NPR3: variants seen among roughly 807,000 people sequenced by gnomAD.
NPR3 encodes the protein atrial natriuretic peptide receptor 3.
A neutral mutation model predicts 54.5 loss-of-function variants in NPR3; 34 were observed. That is an observed-to-expected ratio of 0.62 (90% CI 0.47 to 0.83). The LOEUF (loss-of-function observed/expected upper bound fraction) is 0.83, where lower values mean the gene tolerates loss of function less well. NPR3 is among the 40% of genes least tolerant of loss of function. The probability of loss-of-function intolerance (pLI) is 0.00; values close to 1 mark genes in which losing one functional copy is unlikely to be tolerated. For missense variants in NPR3, 674 were observed against 720.8 expected (o/e 0.94, Z 0.74); for synonymous variants, 289 against 297.1 (o/e 0.97, Z 0.28).
chr5:32,790,392 T>C lies in NPR3; in HGVS notation c.*4047T>C, dbSNP rs1254814670. 1.8e-5 allele frequency: 3 copies of C among 167,314 alleles called. No individual in the cohort carries two copies. Among genetic ancestry groups the C allele is most frequent in the Non-Finnish European group, 4.4e-5 (3 of 68,220 alleles). 10.4% of individuals were successfully genotyped at this position (167,314 alleles called of 1,614,324 possible). Reference sequence around the variant, plus strand: ...CATTCAGCATCACTCCAAGGATGTGTCAGCATCTTGCCCATGCAGGTAGAA... The same window carrying C: ...CATTCAGCATCACTCCAAGGATGTGCCAGCATCTTGCCCATGCAGGTAGAA... On this transcript the variant is annotated 3_prime_UTR_variant, in exon 8 of 8. Coordinates refer to ENST00000265074, the MANE Select transcript of NPR3 (RefSeq NM_001204375.2).
At chr5:32,719,593 A>G (rs1738738555) in intron 1 of NPR3, among the ~76,000 whole-genome samples, 2 of 152,084 alleles carry the variant, frequency 1.3e-5, no homozygotes, top group African/African-American at 2.4e-5. Flanking sequence ...TTCCCTGTGT[A>G]CTCAATAGGC....
intron 3 of NPR3, among the ~76,000 whole-genome samples, chr5:32,762,747 A>G (rs1741244205): frequency 1.3e-5 from 2 of 151,934 alleles, no homozygotes; most frequent in South Asian, 4.2e-4. Context: ...TGTCAGATGG[A>G]TAGATTGCAA....
intron 1 of NPR3, chr5:32,713,581 G>A: frequency 1.6e-6 from 1 of 639,082 alleles, no homozygotes; most frequent in Non-Finnish European, 1.9e-6. Flanking sequence ...TGTGAGTGGT[G>A]CAATCCCGGC....
chr5:32,759,767 T>A (rs1447558002), intron 3 of NPR3, among the ~76,000 whole-genome samples: 1 of 152,232 alleles, frequency 6.6e-6, no homozygotes, highest in Non-Finnish European at 1.5e-5. Flanking sequence ...CCATGTTTAG[T>A]GCTTCCTTCA....
At position 32,786,225 on chromosome 5, in the gene NPR3, T is replaced by C. The variant is rs1266446511; in HGVS notation, c.1515-9T>C. ...GTTTTATTACCACATTCACTTTCCC[T>C]TTACCCAGGAAGAAATACAGAATAA... is the stretch of plus-strand genomic sequence containing the variant. On this transcript the variant is annotated splice_polypyrimidine_tract_variant and intron_variant, in intron 7 of 7. Coordinates refer to ENST00000265074, the MANE Select transcript of NPR3 (RefSeq NM_001204375.2). The C allele has an allele frequency of 3.3e-6, 4 of 1,221,618 alleles. No homozygotes were observed. The South Asian group carries it at 5.5e-5, about 17-fold the overall frequency. 75.7% of individuals were successfully genotyped at this position (1,221,618 alleles called of 1,614,324 possible). A position where few individuals can be genotyped will look rare whatever the true frequency, so the allele number is the denominator to read the frequency against.
intron 3 of NPR3, among the ~76,000 whole-genome samples, chr5:32,755,156 G>A (rs571967374): frequency 1.3e-5 from 2 of 152,196 alleles, no homozygotes; most frequent in African/African-American, 4.8e-5. Context: ...CACCGCGCCC[G>A]GCCAAGAGAT....
intron 1 of NPR3, among the ~76,000 whole-genome samples, chr5:32,719,087 CT>C: frequency 6.6e-6 from 1 of 151,992 alleles, no homozygotes; most frequent in East Asian, 1.9e-4. Context: ...TATCGAAGGC[CT>C]TTTCTGCATC....
chr5:32,716,556 G>C (rs1561079459), intron 1 of NPR3: 4 of 397,304 alleles, frequency 1.0e-5, no homozygotes, highest in South Asian at 7.7e-5. Flanking sequence ...AAGAGTTTGA[G>C]GCTATGGATT....
In NPR3 at chr5:32,784,788, T is replaced by G; in HGVS notation, c.1427-8T>G. 1 of 1,611,422 alleles carries G rather than the reference T, an allele frequency of 6.2e-7. No homozygotes were observed. The highest frequency in any genetic ancestry group is 1.1e-5 in the South Asian group (1 of 91,022). ...ATGAACCCTGATTATCCATGCTTCTTTTTCAAGCAGGTGGCCTAGAAGAAT... is the reference window on the plus strand; with the variant it reads ...ATGAACCCTGATTATCCATGCTTCTGTTTCAAGCAGGTGGCCTAGAAGAAT... On this transcript the variant is annotated splice_polypyrimidine_tract_variant and splice_region_variant and intron_variant, in intron 6 of 7. Transcript: ENST00000265074.
chr5:32,739,869 G>A lies in NPR3; in HGVS notation c.1059+839G>A, dbSNP rs115014766. On this transcript the variant is annotated intron_variant, in intron 3 of 7. Transcript: ENST00000265074. ...CTCTACAGCATCCCAAATTGAAAAG[G>A]AGCACCTTCTTCCTCCTCTTCTTTT... Among the ~76,000 whole-genome samples, 1,281 of 152,222 alleles carry A rather than the reference G, an allele frequency of 8.4e-3. 14 individuals carry two copies. Among genetic ancestry groups the A allele is most frequent in the African/African-American group, 0.03 (1,234 of 41,544 alleles).
intron 3 of NPR3, among the ~76,000 whole-genome samples, chr5:32,760,169 T>C (rs1313949517): frequency 2.0e-5 from 3 of 152,124 alleles, no homozygotes; most frequent in Admixed American, 2.0e-4. Flanking sequence ...GAAGCTGCAA[T>C]GAGCATTCTT....
At chr5:32,759,650 A>G (rs986278093) in intron 3 of NPR3, among the ~76,000 whole-genome samples, 35 of 152,174 alleles carry the variant, frequency 2.3e-4, no homozygotes, top group African/African-American at 8.2e-4. Context: ...TGTCATTATT[A>G]TGTTAGCTGG....
Position 32,789,974 on chromosome 5 carries a change from A to G in NPR3, c.*3629A>G. The G allele has an allele frequency of 6.8e-6, 2 of 295,894 alleles. No individual in the cohort carries two copies. The highest frequency in any genetic ancestry group is 8.0e-5 in the South Asian group (2 of 25,090). The allele number at this position is 295,894 out of a possible 1,614,324, so 18.3% of individuals were successfully genotyped here. On this transcript the variant is annotated 3_prime_UTR_variant, in exon 8 of 8. Transcript: ENST00000265074. ...ACTCAGATCCTGAGTGGATGCAGAC[A>G]TGAGAGTAAATGTCAGCCCAAATTA...
chr5:32,741,039 T>C (rs1046844049), intron 3 of NPR3, among the ~76,000 whole-genome samples: 1 of 125,918 alleles, frequency 7.9e-6, no homozygotes, highest in African/African-American at 2.8e-5. Context: ...CTGTATATTG[T>C]TTTACTTTAT....
At chr5:32,708,358 T>C (rs529007820), upstream of NPR3, among the ~76,000 whole-genome samples, 1 of 152,278 alleles carries the variant, frequency 6.6e-6, no homozygotes, top group East Asian at 1.9e-4. Context: ...TTTTGATTCA[T>C]TTTTGTGATT....
intron 3 of NPR3, among the ~76,000 whole-genome samples, chr5:32,748,556 C>T (rs943076686): frequency 2.0e-5 from 3 of 152,154 alleles, no homozygotes; most frequent in Non-Finnish European, 4.4e-5. Flanking sequence ...CTGCCCGAGG[C>T]AAAGGGAAAG....
At chr5:32,776,688 T>C (rs776784390) in intron 4 of NPR3, among the ~76,000 whole-genome samples, 2 of 152,188 alleles carry the variant, frequency 1.3e-5, no homozygotes, top group Non-Finnish European at 2.9e-5. Flanking sequence ...ATTGAGCACC[T>C]ACTATGTGCC....
intron 2 of NPR3, among the ~76,000 whole-genome samples, chr5:32,730,358 G>T (rs10037355): frequency 0.13 from 19,949 of 152,100 alleles, 1,405 homozygotes; most frequent in East Asian, 0.23. Context: ...CAAAAACCTC[G>T]CAGCTGATAT....
upstream of NPR3, chr5:32,709,260 C>G (rs1738088637): frequency 6.6e-6 from 1 of 152,146 alleles, no homozygotes; most frequent in East Asian, 1.9e-4. Context: ...CTGGTTCCTA[C>G]CACTGTGGCC....
Sources: allele counts gnomAD v4.1 joint callset (sites outside exome capture counted in the v4.1 genomes callset), GRCh38; gene constraint gnomAD v4.1.1; transcripts MANE v1.5; gene names NCBI Gene and HGNC (gene_info 2026-07-23, HGNC 2026-07-21).